RNF166: variants seen among roughly 807,000 people sequenced by gnomAD.
RNF166 encodes the protein E3 ubiquitin-protein ligase RNF166.
A neutral mutation model predicts 29.4 loss-of-function variants in RNF166; 19 were observed. The observed-to-expected ratio is 0.65, with a 90% CI of 0.45 to 0.95. The LOEUF (loss-of-function observed/expected upper bound fraction) is 0.95, where lower values mean the gene tolerates loss of function less well. Among genes scored for constraint, RNF166 ranks in the 40% least tolerant of loss-of-function variants. The pLI is 0.00. For missense variants in RNF166, 347 were observed against 322.1 expected, an observed-to-expected ratio of 1.08 and a Z score of -0.59; for synonymous variants, 171 against 134.5, an observed-to-expected ratio of 1.27 and a Z score of -1.88.
chr16:88,698,679 GCC>G (rs746383174), intron 4 of RNF166, 70 bp from the exon 5 acceptor site: 138 of 1,191,012 alleles, frequency 1.2e-4, no homozygotes, highest in Non-Finnish European at 1.4e-4. Context: ...AGGACTGGGG[GCC>G]CTCCACTGAG....
Position 88,696,931 on chromosome 16 carries a change from C to G in RNF166, c.*637G>C, listed in dbSNP as rs1567632609. On this transcript the variant is annotated 3_prime_UTR_variant, in exon 6 of 6. Coordinates refer to ENST00000312838, the MANE Select transcript of RNF166 (RefSeq NM_178841.4). ...CTGCTCCTTCCATCCTTGCCCCAAT[C>G]CCCCAATGCTTGTTTTGATTGTTTT... is the stretch of plus-strand genomic sequence containing the variant. The G allele has an allele frequency of 1.5e-5, 3 of 200,486 alleles. No individual in the cohort carries two copies. Among genetic ancestry groups the G allele is most frequent in the African/African-American group, 2.4e-5 (1 of 41,750 alleles). 12.4% of individuals were successfully genotyped at this position (200,486 alleles called of 1,614,324 possible). A position where few individuals can be genotyped will look rare whatever the true frequency, so the allele number is the denominator to read the frequency against.
rs966327974 is a variant in RNF166 at position 88,696,849 on chromosome 16, C to T, written c.*719G>A. 1.2e-5 allele frequency: 4 copies of T among 322,936 alleles called. No individual in the cohort carries two copies. The highest frequency in any genetic ancestry group is 1.2e-5 in the Non-Finnish European group (2 of 168,584). 20.0% of individuals were successfully genotyped at this position (322,936 alleles called of 1,614,324 possible). On this transcript the variant is annotated 3_prime_UTR_variant, in exon 6 of 6. Coordinates refer to ENST00000312838, the MANE Select transcript of RNF166 (RefSeq NM_178841.4). ...AAGGACCCAGACACACAGTGGGTGG[C>T]CAGGGCAGACCCCACAGCAGACCCC...
chr16:88,697,936 C>T (rs1471261235), intron 5 of RNF166: 1 of 481,210 alleles, frequency 2.1e-6, no homozygotes, highest in Non-Finnish European at 3.8e-6. Flanking sequence ...TCCCTGACCT[C>T]TAACAATTTC....
rs781077044 is a variant in RNF166 at position 88,696,534 on chromosome 16, TA to T, written c.*1033del. The T allele has an allele frequency of 0.094, 33,964 of 361,850 alleles. 2,506 individuals carry two copies. Among genetic ancestry groups the T allele is most frequent in the African/African-American group, 0.28 (13,073 of 46,440 alleles). The allele number at this position is 361,850 out of a possible 1,614,324, so 22.4% of individuals were successfully genotyped here. On this transcript the variant is annotated 3_prime_UTR_variant, in exon 6 of 6. Transcript: ENST00000312838. ...GACATTTTATTTAAACTTTTTTTTT[TA>T]AAAAAAAGACAGCAATAATTAATGC... is the stretch of plus-strand genomic sequence containing the variant.
chr16:88,702,197 A>G (rs1013682461), intron 1 of RNF166, among the ~76,000 whole-genome samples: 1 of 120,844 alleles, frequency 8.3e-6, no homozygotes, highest in Admixed American at 8.2e-5. Flanking sequence ...GGGGTGCACC[A>G]CCAGCCAGTG....
intron 1 of RNF166, chr16:88,703,505 C>T (rs1422397550): frequency 1.1e-5 from 11 of 985,266 alleles, no homozygotes; most frequent in Middle Eastern, 5.2e-4. Context: ...ACTGGCAGGG[C>T]GGCTGGGCCC....
chr16:88,697,417 C>T lies in RNF166; in HGVS notation c.*151G>A, dbSNP rs1417983172. On this transcript the variant is annotated 3_prime_UTR_variant, in exon 6 of 6. Transcript: ENST00000312838. ...TCGGCGGCTGGCCCGTATTCAGGCC[C>T]GGAGGCTCGGCCCCGGCTCCCCTTC... 13 of 599,436 alleles carry T rather than the reference C, an allele frequency of 2.2e-5. No homozygotes were observed. Among genetic ancestry groups the T allele is most frequent in the Admixed American group, 8.6e-5 (3 of 34,838 alleles). The allele number at this position is 599,436 out of a possible 1,614,324, so 37.1% of individuals were successfully genotyped here. A position where few individuals can be genotyped will look rare whatever the true frequency, so the allele number is the denominator to read the frequency against.
Position 88,706,369 on chromosome 16 carries a change from C to T in RNF166, c.-44G>A, listed in dbSNP as rs1455249610. ...CCGCCCGCCGCCCGCTGTCCTGGCCCGGGCCGGCCCGCTAGTCACAGCCGC... is the reference window on the plus strand; with the variant it reads ...CCGCCCGCCGCCCGCTGTCCTGGCCTGGGCCGGCCCGCTAGTCACAGCCGC... On this transcript the variant is annotated 5_prime_UTR_variant, in exon 1 of 6. Coordinates refer to ENST00000312838, the MANE Select transcript of RNF166 (RefSeq NM_178841.4). 5 of 1,218,012 alleles carry T rather than the reference C, an allele frequency of 4.1e-6. No homozygotes were observed. Among genetic ancestry groups the T allele is most frequent in the South Asian group, 7.0e-5 (2 of 28,456 alleles). 75.5% of individuals were successfully genotyped at this position (1,218,012 alleles called of 1,614,324 possible).
intron 5 of RNF166, 88 bp downstream of exon 5, chr16:88,698,414 T>C (rs770712335): frequency 9.6e-7 from 1 of 1,045,142 alleles, no homozygotes; most frequent in South Asian, 1.3e-5. Context: ...CTCTGAACCC[T>C]GCGGACCCTG....
At chr16:88,705,571 C>G (rs370158940) in intron 1 of RNF166, among the ~76,000 whole-genome samples, 1 of 152,218 alleles carries the variant, frequency 6.6e-6, no homozygotes, top group African/African-American at 2.4e-5. Flanking sequence ...CTGGAAACCC[C>G]AGCAAGGTGG....
At chr16:88,704,676 A>C (rs182082370) in intron 1 of RNF166, among the ~76,000 whole-genome samples, 1 of 152,192 alleles carries the variant, frequency 6.6e-6, no homozygotes, top group Non-Finnish European at 1.5e-5. Flanking sequence ...ACACCTTCAA[A>C]CACCCGCTAC....
intron 4 of RNF166, among the ~76,000 whole-genome samples, 165 bp from the exon 5 acceptor site, chr16:88,698,774 C>T (rs900068445): frequency 5.9e-5 from 9 of 151,992 alleles, no homozygotes; most frequent in East Asian, 1.9e-4. Context: ...ATTCAGTGCG[C>T]GTCACCCTGA....
intron 1 of RNF166, chr16:88,703,397 G>C (rs896698589): frequency 3.0e-6 from 3 of 985,414 alleles, no homozygotes; most frequent in Admixed American, 1.2e-4. Flanking sequence ...GGCAGAGCTT[G>C]GGAAGAGAGG....
intron 3 of RNF166, among the ~76,000 whole-genome samples, 169 bp downstream of exon 3, chr16:88,699,451 G>A (rs1047475816): frequency 6.6e-6 from 1 of 152,232 alleles, no homozygotes; most frequent in African/African-American, 2.4e-5. Flanking sequence ...ATGCCAGGGA[G>A]GGCAGCACAG....
chr16:88,701,638 T>C, intron 1 of RNF166: 2 of 517,462 alleles, frequency 3.9e-6, no homozygotes. Flanking sequence ...CTCCTGACAG[T>C]AGGCCCCTGT....
chr16:88,697,920 C>T, intron 5 of RNF166: 2 of 487,538 alleles, frequency 4.1e-6, no homozygotes, highest in Non-Finnish European at 7.4e-6. Flanking sequence ...GCAGGCCGGC[C>T]AGGGCTCCCT....
intron 4 of RNF166, 105 bp from the exon 5 acceptor site, chr16:88,698,714 T>A (rs1179214091): frequency 1.2e-5 from 11 of 890,210 alleles, no homozygotes; most frequent in Admixed American, 2.8e-5. Flanking sequence ...TGCCTCAGCC[T>A]GGGAAGGCAC....
Position 88,698,983 on chromosome 16 carries a change from G to C in RNF166, c.528C>G (p.Asp176Glu). Residue 176 changes from aspartate to glutamate, a missense_variant, in exon 4 of 6, where the codon GAC (aspartate) becomes GAG (glutamate). Asp to Glu is a conservative substitution (Grantham distance 45, BLOSUM62 2). Coordinates refer to ENST00000312838, the MANE Select transcript of RNF166 (RefSeq NM_178841.4). ...AGGCACTGCTCACCACGCGGTTGGG[G>C]TCGCTGCGGTGGCTTTCCACACAGT... ...VKHCVESHRSDPNRVVCPICS... is the reference protein window; with the variant it reads ...VKHCVESHRSEPNRVVCPICS... 1 of 1,596,112 alleles carries C rather than the reference G, an allele frequency of 6.3e-7. No individual in the cohort carries two copies.
intron 1 of RNF166, chr16:88,703,747 G>A: frequency 4.1e-6 from 4 of 985,484 alleles, no homozygotes; most frequent in East Asian, 1.1e-4. Context: ...CAAAGGGAGG[G>A]GCGATCGCGC....
Sources: gnomAD v4.1 joint callset for allele counts (sites outside exome capture counted in the v4.1 genomes callset) on GRCh38, gnomAD v4.1.1 for gene constraint, MANE v1.5 for transcripts, NCBI Gene and HGNC (gene_info 2026-07-23, HGNC 2026-07-21) for gene names.